NNT: variants seen among roughly 807,000 people sequenced by gnomAD.
NNT encodes the protein nicotinamide nucleotide transhydrogenase.
NNT carries 50 observed loss-of-function variants against 104.8 expected under a neutral mutation model. That is an observed-to-expected ratio of 0.48 (90% CI 0.38 to 0.60). The LOEUF (loss-of-function observed/expected upper bound fraction) is 0.60, where lower values mean the gene tolerates loss of function less well. Ranked by LOEUF, NNT falls within the 20% of genes least tolerant of loss-of-function variation. The probability of loss-of-function intolerance (pLI) is 0.00; values close to 1 mark genes in which losing one functional copy is unlikely to be tolerated. For synonymous variants in NNT, 461 were observed against 490.4 expected, an observed-to-expected ratio of 0.94 and a Z score of 0.79; for missense variants, 1,131 against 1,330.7, an observed-to-expected ratio of 0.85 and a Z score of 2.33.
intron 19 of NNT, among the ~76,000 whole-genome samples, chr5:43,683,767 G>T (rs1005422784): frequency 2.6e-5 from 4 of 152,042 alleles, no homozygotes; most frequent in African/African-American, 9.7e-5. Flanking sequence ...TCTATAATAT[G>T]CCAGAATGTA....
At chr5:43,684,642 G>T (rs1299074809) in intron 19 of NNT, among the ~76,000 whole-genome samples, 1 of 151,878 alleles carries the variant, frequency 6.6e-6, no homozygotes, top group African/African-American at 2.4e-5. Flanking sequence ...CACTACCAAG[G>T]ATAATTTATC....
rs201010920 is a variant in NNT at position 43,653,190 on chromosome 5, C to T, written c.2036C>T (p.Ala679Val). ...GPELLAQMSG[A>V]MALGGTIGLT... ...GAATTACTAGCTCAGATGTCTGGAG[C>T]GATGGCTTTGGGTGGTACCATTGGT... Residue 679 changes from alanine to valine, a missense_variant, in exon 14 of 22, where the codon GCG becomes GTG. Physicochemically the swap from Ala to Val is moderately conservative, Grantham distance 64. Coordinates refer to ENST00000344920, the MANE Select transcript of NNT (RefSeq NM_182977.3). The T allele has an allele frequency of 2.4e-4, 383 of 1,613,892 alleles. 1 individual carries two copies. In the South Asian group the frequency reaches 2.9e-3, roughly 12 times the overall value.
At chr5:43,621,161 C>T (rs925629566) in intron 5 of NNT, among the ~76,000 whole-genome samples, 3 of 152,204 alleles carry the variant, frequency 2.0e-5, no homozygotes, top group East Asian at 1.9e-4. Context: ...TTGTTCAAGC[C>T]GCAGCCTGTG....
rs1408653869 is a variant in NNT, at chr5:43,628,248, G to A, written c.825G>A (p.Glu275=). Reference sequence around the variant, plus strand: ...AGTCTCTTGGTGCTGAGCCCTTGGAGGTGGACTTGAAGGAATCTGGTGAGG... The same window carrying A: ...AGTCTCTTGGTGCTGAGCCCTTGGAAGTGGACTTGAAGGAATCTGGTGAGG... ...QFKSLGAEPL[E]VDLKESGEGQ... The change falls in exon 7 of 22, where the codon GAG becomes GAA. Residue 275 remains glutamate, a synonymous_variant. Coordinates refer to ENST00000344920, the MANE Select transcript of NNT (RefSeq NM_182977.3). The A allele has an allele frequency of 1.2e-5, 19 of 1,613,950 alleles. No homozygotes were observed. Among genetic ancestry groups the A allele is most frequent in the Admixed American group, 1.7e-5 (1 of 60,014 alleles).
intron 19 of NNT, among the ~76,000 whole-genome samples, chr5:43,684,244 G>T (rs1214634258): frequency 6.6e-6 from 1 of 150,608 alleles, no homozygotes; most frequent in African/African-American, 2.4e-5. Flanking sequence ...CTGAAGAAGG[G>T]AAGGCCATGG....
At chr5:43,619,275 C>A (rs538153634) in intron 5 of NNT, among the ~76,000 whole-genome samples, 156 bp downstream of exon 5, 1 of 151,876 alleles carries the variant, frequency 6.6e-6, no homozygotes, top group Non-Finnish European at 1.5e-5. Flanking sequence ...CAAAGCTTAA[C>A]GTTTAAGATT....
Position 43,615,813 on chromosome 5 carries a change from T to G in NNT, c.382-35T>G, listed in dbSNP as rs761427676. 3 of 1,474,452 alleles carry G rather than the reference T, an allele frequency of 2.0e-6. No homozygotes were observed. The Admixed American group carries it at 6.2e-5, about 30-fold the overall frequency. The allele number at this position is 1,474,452 out of a possible 1,614,324, so 91.3% of individuals were successfully genotyped here. On this transcript the variant is annotated intron_variant, in intron 3 of 21. Transcript: ENST00000344920. Reference sequence around the variant, plus strand: ...TGCTTAAAAATATGATTAAAGTATTTATATTTATAATCTGTGACTTGATTT... The same window carrying G: ...TGCTTAAAAATATGATTAAAGTATTGATATTTATAATCTGTGACTTGATTT...
chr5:43,704,129 C>A, intron 21 of NNT, 126 bp from the exon 22 acceptor site: 2 of 674,936 alleles, frequency 3.0e-6, no homozygotes, highest in South Asian at 3.3e-5. Flanking sequence ...TTTTAAAGTC[C>A]CTGCACTAAA....
intron 19 of NNT, among the ~76,000 whole-genome samples, chr5:43,688,122 C>T (rs985578799): frequency 2.6e-5 from 4 of 152,088 alleles, no homozygotes; most frequent in African/African-American, 9.7e-5. Context: ...ATATCTGAAT[C>T]CCCAGAACCT....
intron 17 of NNT, among the ~76,000 whole-genome samples, chr5:43,669,874 A>G (rs377324933): frequency 0.03 from 4,502 of 152,104 alleles, 184 homozygotes; most frequent in African/African-American, 0.094. Context: ...TCCTTCTTGT[A>G]CCTCTGGTAG....
chr5:43,674,871 T>C (rs1472993717), intron 17 of NNT, among the ~76,000 whole-genome samples: 2 of 152,196 alleles, frequency 1.3e-5, no homozygotes, highest in Admixed American at 6.5e-5. Flanking sequence ...AAAGAGTGAG[T>C]ATAAATTTTA....
chr5:43,681,015 C>A (rs1323513642), intron 19 of NNT, among the ~76,000 whole-genome samples: 1 of 151,956 alleles, frequency 6.6e-6, no homozygotes, highest in African/African-American at 2.4e-5. Flanking sequence ...AATCCCAGCA[C>A]TTTGGGAGGC....
intron 4 of NNT, among the ~76,000 whole-genome samples, chr5:43,618,583 G>C (rs961821031): frequency 6.6e-6 from 1 of 152,230 alleles, no homozygotes; most frequent in Non-Finnish European, 1.5e-5. Flanking sequence ...TGTGAAGGAT[G>C]TATAGTCCTA....
chr5:43,704,201 A>G, intron 21 of NNT, 54 bp from the exon 22 acceptor site: 1 of 1,461,848 alleles, frequency 6.8e-7, no homozygotes, highest in South Asian at 1.5e-5. Flanking sequence ...TTTGCCTAAC[A>G]TGTCCTAGGT....
rs1245517310 is a variant in NNT at position 43,691,070 on chromosome 5, A to AGAGAGAGTGT, written c.2877-9048_2877-9047insAGAGAGTGTG. Among the ~76,000 whole-genome samples the AGAGAGAGTGT allele has an allele frequency of 5.3e-4, 73 of 137,504 alleles. 1 individual carries two copies. The highest frequency in any genetic ancestry group is 2.2e-3 in the East Asian group (10 of 4,590). The allele number at this position is 137,504 out of a possible 152,430, so 90.2% of individuals were successfully genotyped here. On this transcript the variant is annotated intron_variant, in intron 19 of 21. Coordinates refer to ENST00000344920, the MANE Select transcript of NNT (RefSeq NM_182977.3). ...AACTGATCCAGAATTTTTTTGAGAG[A>AGAGAGAGTGT]GTGTGTGTGTGTGTGTGTGTGTGTG...
Position 43,644,641 on chromosome 5 carries a change from C to T in NNT, c.1129C>T (p.Pro377Ser), listed in dbSNP as rs1173721909. Residue 377 changes from proline (P) to serine (S), a missense_variant, in exon 9 of 22, where the codon CCC (proline) becomes TCC (serine). Pro to Ser is a moderately conservative substitution (Grantham distance 74). Coordinates refer to ENST00000344920, the MANE Select transcript of NNT (RefSeq NM_182977.3). ...TACTCACATAGGCTACACAGACCTGCCCAGCCGAATGGCCACTCAGGCCAG... is the reference window on the plus strand; with the variant it reads ...TACTCACATAGGCTACACAGACCTGTCCAGCCGAATGGCCACTCAGGCCAG... ...GITHIGYTDLPSRMATQASTL... is the reference protein window; with the variant it reads ...GITHIGYTDLSSRMATQASTL... 1 of 1,613,944 alleles carries T rather than the reference C, an allele frequency of 6.2e-7. No individual in the cohort carries two copies. The highest frequency in any genetic ancestry group is 2.2e-5 in the East Asian group (1 of 44,878).
chr5:43,618,659 T>C (rs1446341581), intron 4 of NNT, among the ~76,000 whole-genome samples: 1 of 152,214 alleles, frequency 6.6e-6, no homozygotes, highest in Non-Finnish European at 1.5e-5. Flanking sequence ...TATTATGTTC[T>C]ACAGTACTTG....
Position 43,628,235 on chromosome 5 carries a change from C to T in NNT, c.812C>T (p.Ala271Val), listed in dbSNP as rs1274109505. 2 of 1,613,472 alleles carry T rather than the reference C, an allele frequency of 1.2e-6. No individual in the cohort carries two copies. Among genetic ancestry groups the T allele is most frequent in the Non-Finnish European group, 1.7e-6 (2 of 1,179,800 alleles). Residue 271 changes from alanine to valine, a missense_variant, in exon 7 of 22, where the codon GCT becomes GTT. By Grantham distance (64) the Ala-to-Val change is moderately conservative. Coordinates refer to ENST00000344920, the MANE Select transcript of NNT (RefSeq NM_182977.3). ...AALEQFKSLG[A>V]EPLEVDLKES... ...TTGGAACAGTTCAAGTCTCTTGGTG[C>T]TGAGCCCTTGGAGGTGGACTTGAAG...
At chr5:43,631,968 G>GA (rs1750697055) in intron 7 of NNT, among the ~76,000 whole-genome samples, 6 of 124,898 alleles carry the variant, frequency 4.8e-5, no homozygotes, top group Admixed American at 4.6e-4. Context: ...GTTTCTTTTG[G>GA]GAAAAAAAAA....
Sources: allele counts gnomAD v4.1 joint callset (sites outside exome capture counted in the v4.1 genomes callset), GRCh38; gene constraint gnomAD v4.1.1; transcripts MANE v1.5; gene names NCBI Gene and HGNC (gene_info 2026-07-23, HGNC 2026-07-21).